The following AJAP1 variants were observed in gnomAD, a reference collection of about 807,000 sequenced individuals.
The protein encoded by AJAP1 is adherens junction-associated protein 1.
AJAP1 carries 5 observed loss-of-function variants against 35.0 expected under a neutral mutation model. That is an observed-to-expected ratio of 0.14 (90% CI 0.07 to 0.30). The LOEUF (loss-of-function observed/expected upper bound fraction) is 0.30. Among genes scored for constraint, AJAP1 ranks in the 10% least tolerant of loss-of-function variants. The pLI, the probability that AJAP1 is intolerant of heterozygous loss-of-function variation, is 1.00. For synonymous variants in AJAP1, 284 were observed against 249.3 expected (o/e 1.14, Z -1.31); for missense variants, 586 against 571.0 (o/e 1.03, Z -0.27).
chr1:4,659,134 G>A (rs777513113), intron 1 of AJAP1, among the ~76,000 whole-genome samples: 2 of 152,202 alleles, frequency 1.3e-5, no homozygotes, highest in Admixed American at 1.3e-4. Context: ...TGACTGGATT[G>A]CAAACAGCTG....
chr1:4,682,219 T>C (rs1173525416), intron 1 of AJAP1, among the ~76,000 whole-genome samples: 1 of 152,238 alleles, frequency 6.6e-6, no homozygotes, highest in Admixed American at 6.5e-5. Context: ...GGTGTGGATG[T>C]GGCAGGCTGT....
intron 2 of AJAP1, among the ~76,000 whole-genome samples, chr1:4,754,057 A>T (rs434474): frequency 0.7 from 105,800 of 152,106 alleles, 37,875 homozygotes; most frequent in African/African-American, 0.75. Context: ...GATTCATGGC[A>T]CTAAATCAGA....
Position 4,656,194 on chromosome 1 carries a change from C to G in AJAP1, c.29+740C>G, listed in dbSNP as rs1328186579. ...GCCAGATGGAAGAGGGGGTTCGAGC[C>G]TAGAGCCCGTGGTGGGGGTGTCCAG... is the stretch of plus-strand genomic sequence containing the variant. On this transcript the variant is annotated intron_variant, in intron 1 of 5. Transcript: ENST00000378191. This position sits in a 1 kb window ranked among gnomAD's most constrained non-coding sequence, Gnocchi z 5.7. Among the ~76,000 whole-genome samples, 1 of 152,152 alleles carries G rather than the reference C, an allele frequency of 6.6e-6. No homozygotes were observed. Among genetic ancestry groups the G allele is most frequent in the Non-Finnish European group, 1.5e-5 (1 of 68,024 alleles).
At chr1:4,699,946 C>T (rs1448708112) in intron 1 of AJAP1, among the ~76,000 whole-genome samples, 1 of 152,170 alleles carries the variant, frequency 6.6e-6, no homozygotes, top group Admixed American at 6.5e-5. Flanking sequence ...ATTTTAGTAT[C>T]CTACGCCGTC....
Position 4,772,238 on chromosome 1 carries a change from G to A in AJAP1, c.918-42G>A, listed in dbSNP as rs1414798309. ...TCTGGAGTTGTGTTTGTGGGTTTCC[G>A]GCCTCTGCCCGTCCCCCTACCCCAA... On this transcript the variant is annotated intron_variant, in intron 3 of 5. Coordinates refer to ENST00000378191, the MANE Select transcript of AJAP1 (RefSeq NM_018836.4). 6.2e-6 allele frequency: 10 copies of A among 1,608,852 alleles called. No individual in the cohort carries two copies. In the East Asian group the frequency reaches 8.9e-5, roughly 14 times the overall value.
intron 1 of AJAP1, among the ~76,000 whole-genome samples, chr1:4,665,479 T>A (rs1639095982): frequency 6.6e-6 from 1 of 152,170 alleles, no homozygotes; most frequent in Admixed American, 6.5e-5. Context: ...TTTGGGCTAA[T>A]TTGATTCTCT....
Position 4,782,091 on chromosome 1 carries a change from C to T in AJAP1, c.*60-454C>T, listed in dbSNP as rs1199208076. 1.3e-5 allele frequency among the ~76,000 whole-genome samples: 2 copies of T among 152,212 alleles called. No homozygotes were observed. Among genetic ancestry groups the T allele is most frequent in the African/African-American group, 2.4e-5 (1 of 41,458 alleles). On this transcript the variant is annotated intron_variant, in intron 5 of 5. Transcript: ENST00000378191. The surrounding 1 kb of genome is among the most constrained non-coding windows in gnomAD (Gnocchi z 5.3). Reference sequence around the variant, plus strand: ...TGGACAGAAACAGACTCCCATTCTTCCCGCAGCACAGGAGTGGAGCAGGCC... The same window carrying T: ...TGGACAGAAACAGACTCCCATTCTTTCCGCAGCACAGGAGTGGAGCAGGCC...
intron 2 of AJAP1, among the ~76,000 whole-genome samples, chr1:4,768,324 G>A (rs544599605): frequency 6.4e-5 from 9 of 139,650 alleles, no homozygotes; most frequent in African/African-American, 2.6e-5. Context: ...ACTGTTTGCC[G>A]GATGCTGTTA....
intron 1 of AJAP1, among the ~76,000 whole-genome samples, chr1:4,690,967 G>A (rs1029428753): frequency 2.0e-5 from 3 of 152,202 alleles, no homozygotes; most frequent in Non-Finnish European, 4.4e-5. Context: ...AGAAGGGCAG[G>A]CCATGTCTGC....
At chr1:4,742,948 G>A (rs901550134) in intron 2 of AJAP1, among the ~76,000 whole-genome samples, 2 of 152,194 alleles carry the variant, frequency 1.3e-5, no homozygotes, top group African/African-American at 4.8e-5. Flanking sequence ...CACTGGGTCA[G>A]ATTTCAACGT....
chr1:4,691,667 G>A (rs537391752), intron 1 of AJAP1, among the ~76,000 whole-genome samples: 4 of 152,154 alleles, frequency 2.6e-5, no homozygotes, highest in African/African-American at 4.8e-5. Flanking sequence ...CGACCCACCC[G>A]CTGACTCCAG....
At chr1:4,792,531 AAAAG>A (rs1432257200) in exon 6 of AJAP1, 7 of 151,322 alleles carry the variant, frequency 4.6e-5, no homozygotes, top group South Asian at 4.2e-4. Context: ...AAAAAAAAAA[AAAAG>A]AAGAGAAAAA....
intron 5 of AJAP1, among the ~76,000 whole-genome samples, chr1:4,775,694 A>G (rs1278764316): frequency 1.3e-5 from 2 of 152,228 alleles, no homozygotes; most frequent in African/African-American, 4.8e-5. Flanking sequence ...CCTACCCCGA[A>G]GCCAACATGT....
At chr1:4,747,617 T>G (rs1641218805) in intron 2 of AJAP1, among the ~76,000 whole-genome samples, 1 of 152,196 alleles carries the variant, frequency 6.6e-6, no homozygotes, top group South Asian at 2.1e-4. Context: ...CTGCGTGCCA[T>G]CCACACATAT....
intron 1 of AJAP1, among the ~76,000 whole-genome samples, chr1:4,670,381 T>C (rs1206460195): frequency 6.6e-6 from 1 of 152,232 alleles, no homozygotes; most frequent in Non-Finnish European, 1.5e-5. Flanking sequence ...TGGTGCCTTT[T>C]CCTTTCCCCT....
intron 2 of AJAP1, among the ~76,000 whole-genome samples, chr1:4,714,962 G>A (rs1240508268): frequency 6.6e-6 from 1 of 152,162 alleles, no homozygotes; most frequent in Non-Finnish European, 1.5e-5. Flanking sequence ...TGGTGATGCA[G>A]GAGGTGAGAT....
chr1:4,689,655 G>A (rs142952219), intron 1 of AJAP1, among the ~76,000 whole-genome samples: 3 of 152,348 alleles, frequency 2.0e-5, no homozygotes, highest in South Asian at 2.1e-4. Context: ...CGTTTCCTCC[G>A]CCTTGAAACA....
At chr1:4,772,608 A>G in intron 4 of AJAP1, 83 bp downstream of exon 4, 1 of 1,564,970 alleles carries the variant, frequency 6.4e-7, no homozygotes. Flanking sequence ...CTGAGCTGAG[A>G]GCTGTTGGTC....
intron 1 of AJAP1, among the ~76,000 whole-genome samples, chr1:4,668,372 CTG>C (rs1639183605): frequency 6.6e-6 from 1 of 151,690 alleles, no homozygotes; most frequent in African/African-American, 2.4e-5. Context: ...CTGTGGGTGT[CTG>C]TGTGTTGTGA....
Sources: allele counts gnomAD v4.1 joint callset (sites outside exome capture counted in the v4.1 genomes callset), GRCh38; gene constraint gnomAD v4.1.1; non-coding constraint Gnocchi (gnomAD v3.1); transcripts MANE v1.5; gene names NCBI Gene and HGNC (gene_info 2026-07-23, HGNC 2026-07-21).